RAB38: variants seen among roughly 807,000 people sequenced by gnomAD.
RAB38 encodes RAB38, member RAS oncogene family, also known as ras-related protein Rab-38.
Under a neutral mutation model 18.4 loss-of-function variants are expected in RAB38, and 15 were observed. The ratio of observed to expected loss-of-function variants is 0.82; its 90% CI spans 0.55 to 1.26. The LOEUF is 1.26. RAB38 is among the 50% of genes most tolerant of loss of function. RAB38 has a pLI of 0.00. For missense variants in RAB38, 294 were observed against 267.4 expected, an observed-to-expected ratio of 1.10 and a Z score of -0.69; for synonymous variants, 101 against 104.4, an observed-to-expected ratio of 0.97 and a Z score of 0.20.
chr11:88,027,482 G>A, the RAB38 span, among the ~76,000 whole-genome samples: 1 of 152,196 alleles, frequency 6.6e-6, no homozygotes, highest in Non-Finnish European at 1.5e-5. Flanking sequence ...AGAAAGGGGT[G>A]ACAGACGGCA....
chr11:87,952,065 C>T, the RAB38 span, among the ~76,000 whole-genome samples: 3 of 152,110 alleles, frequency 2.0e-5, no homozygotes, highest in Non-Finnish European at 1.5e-5. Context: ...GAGTGAAATA[C>T]GTGGGTAGAG....
chr11:88,113,132 T>C (rs1290765984), downstream of RAB38: 2 of 152,326 alleles, frequency 1.3e-5, no homozygotes, highest in Non-Finnish European at 2.9e-5. Context: ...TAAGCATACA[T>C]TTCTCATCTC....
At chr11:87,825,675 C>T in the RAB38 span, among the ~76,000 whole-genome samples, 1 of 152,074 alleles carries the variant, frequency 6.6e-6, no homozygotes, top group African/African-American at 2.4e-5. Flanking sequence ...GAACACAACT[C>T]AGTCTATAAC....
the RAB38 span, among the ~76,000 whole-genome samples, chr11:88,021,563 A>ATTT: frequency 4.6e-3 from 648 of 141,952 alleles, no homozygotes; most frequent in Non-Finnish European, 7.6e-3. Context: ...AGAGAAAGAT[A>ATTT]ATTTATTTAT....
chr11:88,074,679 G>A, the RAB38 span, among the ~76,000 whole-genome samples: 580 of 152,198 alleles, frequency 3.8e-3, 4 homozygotes, highest in African/African-American at 0.013. Flanking sequence ...AACAAACAAC[G>A]AAATGGCAGT....
At chr11:88,026,602 A>T in the RAB38 span, among the ~76,000 whole-genome samples, 1 of 145,242 alleles carries the variant, frequency 6.9e-6, no homozygotes, top group East Asian at 2.0e-4. Flanking sequence ...AAGAAATGAA[A>T]CTCCTGACCT....
chr11:87,913,349 T>C, the RAB38 span, among the ~76,000 whole-genome samples: 1 of 152,166 alleles, frequency 6.6e-6, no homozygotes, highest in South Asian at 2.1e-4. Flanking sequence ...CCTTGAAGTT[T>C]TGTCAAGGGT....
the RAB38 span, among the ~76,000 whole-genome samples, chr11:87,913,638 G>C: frequency 6.6e-6 from 1 of 152,124 alleles, no homozygotes; most frequent in Admixed American, 6.5e-5. Flanking sequence ...GGAGATATGT[G>C]AGTCATGAGG....
chr11:87,938,028 T>G, the RAB38 span, among the ~76,000 whole-genome samples: 10 of 152,104 alleles, frequency 6.6e-5, no homozygotes, highest in African/African-American at 2.4e-4. Flanking sequence ...AATTGAAAAC[T>G]GGATGTTTTC....
At chr11:87,878,290 CT>C in the RAB38 span, among the ~76,000 whole-genome samples, 9 of 142,128 alleles carry the variant, frequency 6.3e-5, no homozygotes, top group African/African-American at 1.9e-4. Context: ...ATCTATCTAT[CT>C]ATCTATCTAC....
the RAB38 span, among the ~76,000 whole-genome samples, chr11:87,903,938 G>T: frequency 6.6e-6 from 1 of 150,652 alleles, no homozygotes. Context: ...ATTTGTCTGG[G>T]AGTTTATTAT....
chr11:87,888,863 A>G, the RAB38 span, among the ~76,000 whole-genome samples: 1 of 151,964 alleles, frequency 6.6e-6, no homozygotes, highest in Non-Finnish European at 1.5e-5. Flanking sequence ...GTTGAACTCC[A>G]AAGGGACAAT....
chr11:87,812,435 T>C, the RAB38 span, among the ~76,000 whole-genome samples: 2 of 152,224 alleles, frequency 1.3e-5, no homozygotes, highest in African/African-American at 4.8e-5. Flanking sequence ...AGTCAACACA[T>C]TCAGTTTCTA....
chr11:88,116,244 C>T (rs1330214731), intron 2 of RAB38, among the ~76,000 whole-genome samples: 1 of 152,178 alleles, frequency 6.6e-6, no homozygotes, highest in Non-Finnish European at 1.5e-5. Context: ...GTCCGATGGT[C>T]CCCTACTGTG....
chr11:88,170,038 A>C (rs1173315772), intron 1 of RAB38, among the ~76,000 whole-genome samples: 1 of 152,158 alleles, frequency 6.6e-6, no homozygotes, highest in Non-Finnish European at 1.5e-5. Context: ...TCCCACTCTC[A>C]AATGCCTTAG....
At chr11:87,807,449 C>T in the RAB38 span, among the ~76,000 whole-genome samples, 1 of 152,164 alleles carries the variant, frequency 6.6e-6, no homozygotes, top group African/African-American at 2.4e-5. Context: ...CTGGAAAAAG[C>T]ATAGCACAGC....
At chr11:88,118,256 G>T (rs1422011920) in intron 2 of RAB38, among the ~76,000 whole-genome samples, 1 of 152,182 alleles carries the variant, frequency 6.6e-6, no homozygotes, top group Non-Finnish European at 1.5e-5. Context: ...TTGTATTACT[G>T]GCACTTCGAA....
the RAB38 span, among the ~76,000 whole-genome samples, chr11:87,868,602 AG>A: frequency 1.7e-4 from 12 of 69,698 alleles, no homozygotes; most frequent in African/African-American, 5.6e-4. Flanking sequence ...AGAGAGAGAG[AG>A]AGAGAGAGAG....
the RAB38 span, among the ~76,000 whole-genome samples, chr11:88,071,684 C>T: frequency 3.3e-5 from 5 of 152,166 alleles, no homozygotes; most frequent in African/African-American, 9.7e-5. Flanking sequence ...CATGACAAGC[C>T]AAGCGGCAAG....
Sources: allele counts gnomAD v4.1 joint callset (sites outside exome capture counted in the v4.1 genomes callset), GRCh38; gene constraint gnomAD v4.1.1; transcripts MANE v1.5; gene names NCBI Gene and HGNC (gene_info 2026-07-23, HGNC 2026-07-21).